Variants in FGD3 observed in about 807,000 individuals in gnomAD.
FGD3 encodes FYVE, RhoGEF and PH domain containing 3.
FGD3 carries 45 observed loss-of-function variants against 71.8 expected under a neutral mutation model. That is an observed-to-expected ratio of 0.63 (90% confidence interval 0.49 to 0.80). FGD3 has a LOEUF of 0.80. FGD3 is among the 30% of genes least tolerant of loss of function. The pLI, the probability that FGD3 is intolerant of heterozygous loss-of-function variation, is 0.00. For synonymous variants in FGD3, 378 were observed against 392.8 expected (o/e 0.96, Z 0.44); for missense variants, 844 against 951.5 (o/e 0.89, Z 1.49).
At chr9:92,994,770 G>T (rs1303727699) in intron 3 of FGD3, among the ~76,000 whole-genome samples, 1 of 152,192 alleles carries the variant, frequency 6.6e-6, no homozygotes, top group Non-Finnish European at 1.5e-5. Flanking sequence ...GTGTGTCAAA[G>T]ATCAGATTGT....
intron 1 of FGD3, among the ~76,000 whole-genome samples, chr9:92,962,518 T>G (rs1859187425): frequency 6.6e-6 from 1 of 152,162 alleles, no homozygotes; most frequent in Non-Finnish European, 1.5e-5. Flanking sequence ...ACAGCAACGG[T>G]GATTCAGATG....
intron 1 of FGD3, among the ~76,000 whole-genome samples, chr9:92,952,053 T>C (rs2118494443): frequency 6.6e-6 from 1 of 152,284 alleles, no homozygotes; most frequent in South Asian, 2.1e-4. Flanking sequence ...CAAACTATGC[T>C]GCATAAGGAA....
chr9:92,968,848 G>A (rs924011240), intron 1 of FGD3, among the ~76,000 whole-genome samples: 1 of 152,116 alleles, frequency 6.6e-6, no homozygotes, highest in Non-Finnish European at 1.5e-5. Context: ...GTGGAGGTCT[G>A]CCAAAGTGCC....
chr9:93,032,707 C>A, intron 15 of FGD3, 62 bp from the exon 16 acceptor site: 1 of 1,513,002 alleles, frequency 6.6e-7, no homozygotes, highest in Non-Finnish European at 9.2e-7. Flanking sequence ...CCTCCTCTGG[C>A]ATCTTCCTGG....
intron 3 of FGD3, among the ~76,000 whole-genome samples, chr9:92,989,776 T>C (rs879114836): frequency 4.6e-5 from 7 of 152,204 alleles, no homozygotes; most frequent in Non-Finnish European, 5.9e-5. Flanking sequence ...TGTGGAGATA[T>C]TTAACCTTTC....
In FGD3 at chr9:92,976,216, TG is replaced by T; in HGVS notation, c.-39del. ...TTGTTTCTCCCCTACAGGAAGCCCC[TG>T]GCCAGCCTCCACCTGAGCCCAGTGA... On this transcript the variant is annotated 5_prime_UTR_variant, in exon 3 of 18. Transcript: ENST00000375482. 6.8e-7 allele frequency: 1 copy of T among 1,474,614 alleles called. No individual in the cohort carries two copies. The highest frequency in any genetic ancestry group is 1.4e-5 in the South Asian group (1 of 73,556). The allele number at this position is 1,474,614 out of a possible 1,614,324, so 91.3% of individuals were successfully genotyped here.
At position 92,997,866 on chromosome 9, in the gene FGD3, G is replaced by C. The variant is rs552204713; in HGVS notation, c.454-5059G>C. On this transcript the variant is annotated intron_variant, in intron 3 of 17. Coordinates refer to ENST00000375482, the MANE Select transcript of FGD3 (RefSeq NM_001083536.2). ...GTTAGTCTGATGGGCTTCCCTTTGTGGATAACCCAACCTTTCTCTCTGGCT... is the reference window on the plus strand; with the variant it reads ...GTTAGTCTGATGGGCTTCCCTTTGTCGATAACCCAACCTTTCTCTCTGGCT... Among the ~76,000 whole-genome samples, 195 of 152,262 alleles carry C rather than the reference G, an allele frequency of 1.3e-3. 1 individual carries two copies. Among genetic ancestry groups the C allele is most frequent in the African/African-American group, 4.2e-3 (174 of 41,552 alleles).
intron 12 of FGD3, 64 bp downstream of exon 12, chr9:93,019,925 GT>G: frequency 6.3e-7 from 1 of 1,584,590 alleles, no homozygotes; most frequent in Non-Finnish European, 8.7e-7. Flanking sequence ...GGCCATTCAT[GT>G]TGGTTCAGAG....
intron 3 of FGD3, among the ~76,000 whole-genome samples, chr9:92,988,502 C>G (rs940397423): frequency 6.6e-6 from 1 of 152,158 alleles, no homozygotes; most frequent in African/African-American, 2.4e-5. Context: ...CCTGGTGTGG[C>G]GGGGCCCCTG....
chr9:93,002,823 C>A, intron 3 of FGD3, 102 bp from the exon 4 acceptor site: 1 of 1,157,520 alleles, frequency 8.6e-7, no homozygotes, highest in South Asian at 1.3e-5. Context: ...CCTCCTGCCA[C>A]CCCTGTGGCC....
chr9:92,957,399 G>C (rs1430265778), intron 1 of FGD3, among the ~76,000 whole-genome samples: 2 of 152,150 alleles, frequency 1.3e-5, no homozygotes, highest in Non-Finnish European at 2.9e-5. Context: ...TCACTGTAGC[G>C]GTTCAGATGG....
At chr9:93,018,850 G>A (rs562395956) in intron 11 of FGD3, among the ~76,000 whole-genome samples, 1 of 152,126 alleles carries the variant, frequency 6.6e-6, no homozygotes, top group Non-Finnish European at 1.5e-5. Flanking sequence ...AGTATCCTAC[G>A]ATTTTCTTTT....
At chr9:93,021,555 C>T (rs370085813) in intron 13 of FGD3, among the ~76,000 whole-genome samples, 160 of 152,256 alleles carry the variant, frequency 1.1e-3, no homozygotes, top group African/African-American at 2.6e-3. Context: ...CCAGGAGAGA[C>T]GGTGCCCTGA....
chr9:92,968,476 C>G (rs1426599574), intron 1 of FGD3, among the ~76,000 whole-genome samples: 1 of 152,134 alleles, frequency 6.6e-6, no homozygotes, highest in Non-Finnish European at 1.5e-5. Context: ...GGAGACCCCT[C>G]CTCCATCCAC....
At chr9:92,955,035 G>A (rs1859025011) in intron 1 of FGD3, among the ~76,000 whole-genome samples, 3 of 152,236 alleles carry the variant, frequency 2.0e-5, no homozygotes, top group Admixed American at 1.3e-4. Context: ...CTCTAAAGCT[G>A]GTGTGGTCAG....
chr9:93,002,840 TCTC>T, intron 3 of FGD3, 82 bp from the exon 4 acceptor site: 1 of 1,379,972 alleles, frequency 7.2e-7, no homozygotes. Context: ...GGCCCCTGGT[TCTC>T]CTGCACACAG....
intron 3 of FGD3, among the ~76,000 whole-genome samples, chr9:92,996,687 C>T (rs1474581873): frequency 1.3e-5 from 2 of 152,156 alleles, no homozygotes; most frequent in Non-Finnish European, 2.9e-5. Context: ...TCTTTGTTCT[C>T]ATTGGTTTCA....
rs569058583 is a variant in FGD3, at chr9:93,023,795, C to CTTTT, written c.1557+1429_1557+1432dup. Among the ~76,000 whole-genome samples, 10 of 107,688 alleles carry CTTTT rather than the reference C, an allele frequency of 9.3e-5. 1 individual carries two copies. Among genetic ancestry groups the CTTTT allele is most frequent in the South Asian group, 9.1e-4 (3 of 3,298 alleles). The allele number at this position is 107,688 out of a possible 152,430, so 70.6% of individuals were successfully genotyped here. ...ATGACAGGAACCCGCCCATCAGCAA[C>CTTTT]TTTTTTTTTTTTTTTTTTTTTTTTT... On this transcript the variant is annotated intron_variant, in intron 14 of 17. Coordinates refer to ENST00000375482, the MANE Select transcript of FGD3 (RefSeq NM_001083536.2).
intron 1 of FGD3, among the ~76,000 whole-genome samples, chr9:92,948,193 C>T (rs1858890906): frequency 6.6e-6 from 1 of 151,590 alleles, no homozygotes; most frequent in Non-Finnish European, 1.5e-5. Flanking sequence ...GGGCGATTGC[C>T]ATGGCAACGG....
Sources: gnomAD v4.1 joint callset for allele counts (sites outside exome capture counted in the v4.1 genomes callset) on GRCh38, gnomAD v4.1.1 for gene constraint, MANE v1.5 for transcripts, NCBI Gene and HGNC (gene_info 2026-07-23, HGNC 2026-07-21) for gene names.